The following MKNK1 variants were observed in gnomAD, a reference collection of about 807,000 sequenced individuals.
The protein encoded by MKNK1 is MAP kinase-interacting serine/threonine-protein kinase 1.
MKNK1 carries 30 observed loss-of-function variants against 49.3 expected under a neutral mutation model. The observed-to-expected ratio is 0.61, with a 90% CI of 0.46 to 0.83. The LOEUF (loss-of-function observed/expected upper bound fraction) is 0.83, where lower values mean the gene tolerates loss of function less well. Ranked by LOEUF, MKNK1 falls within the 40% of genes least tolerant of loss-of-function variation. The pLI, the probability that MKNK1 is intolerant of heterozygous loss-of-function variation, is 0.00. For missense variants in MKNK1, 423 were observed against 524.7 expected (o/e 0.81, Z 1.89); for synonymous variants, 176 against 201.7 (o/e 0.87, Z 1.08).
intron 1 of MKNK1, among the ~76,000 whole-genome samples, chr1:46,594,570 G>A (rs1311213432): frequency 1.3e-5 from 2 of 152,210 alleles, no homozygotes; most frequent in Non-Finnish European, 2.9e-5. Context: ...AGCACTGGAA[G>A]ATTTAACAAA....
intron 4 of MKNK1, 95 bp from the exon 5 acceptor site, chr1:46,576,749 TC>T (rs920130911): frequency 9.6e-7 from 1 of 1,042,088 alleles, no homozygotes; most frequent in Non-Finnish European, 1.5e-6. Flanking sequence ...CCACACTCAG[TC>T]CAAATCCAGT....
chr1:46,588,625 G>C (rs1404645001), intron 2 of MKNK1, among the ~76,000 whole-genome samples: 1 of 152,110 alleles, frequency 6.6e-6, no homozygotes, highest in Non-Finnish European at 1.5e-5. Flanking sequence ...GGCTAACACG[G>C]TGAAACCCCA....
chr1:46,596,693 T>C (rs1433173493), intron 1 of MKNK1, among the ~76,000 whole-genome samples: 1 of 152,200 alleles, frequency 6.6e-6, no homozygotes, highest in African/African-American at 2.4e-5. Context: ...AGAGTTGTCA[T>C]GGCAATTAAG....
chr1:46,575,281 C>CTA lies in MKNK1; in HGVS notation c.279-262_279-261insTA, dbSNP rs1670786085. 3.7e-5 allele frequency: 14 copies of CTA among 382,542 alleles called. No individual in the cohort carries two copies. The South Asian group carries it at 6.1e-4, about 17-fold the overall frequency. 23.7% of individuals were successfully genotyped at this position (382,542 alleles called of 1,614,324 possible). A position where few individuals can be genotyped will look rare whatever the true frequency, so the allele number is the denominator to read the frequency against. On this transcript the variant is annotated intron_variant, in intron 5 of 12. Coordinates refer to ENST00000371945, the MANE Select transcript of MKNK1 (RefSeq NM_001135553.4). ...GTGCTGTCAAACCCCAGCCCTAAAA[C>CTA]CCACTAGGTAGAGTTATAAAAAAGT...
chr1:46,587,385 C>T (rs772542083), intron 2 of MKNK1, among the ~76,000 whole-genome samples: 2 of 152,174 alleles, frequency 1.3e-5, no homozygotes, highest in Non-Finnish European at 2.9e-5. Flanking sequence ...TGGCATCAGG[C>T]GAGCAAGGCA....
In MKNK1 at chr1:46,562,731, A is replaced by G. The variant is rs751846466; in HGVS notation, c.722T>C (p.Met241Thr). ...CACGAAGGGTGGGTAGCCACTCAGCATGATGTAGAGGACCACGCCCAGGCT... is the reference window on the plus strand; with the variant it reads ...CACGAAGGGTGGGTAGCCACTCAGCGTGATGTAGAGGACCACGCCCAGGCT... ...LWSLGVVLYI[M>T]LSGYPPFVGH... is the part of the protein sequence containing the mutation. Residue 241 changes from methionine to threonine, a missense_variant, in exon 10 of 13, where the codon ATG becomes ACG. Coordinates refer to ENST00000371945, the MANE Select transcript of MKNK1 (RefSeq NM_001135553.4). 6.9e-6 allele frequency: 11 copies of G among 1,600,154 alleles called. No homozygotes were observed. Among genetic ancestry groups the G allele is most frequent in the African/African-American group, 1.3e-5 (1 of 74,790 alleles).
At chr1:46,572,872 G>A (rs560903980) in intron 6 of MKNK1, among the ~76,000 whole-genome samples, 1 of 152,192 alleles carries the variant, frequency 6.6e-6, no homozygotes, top group South Asian at 2.1e-4. Flanking sequence ...CCAAACAAGA[G>A]CACAAACTTT....
chr1:46,574,433 C>A (rs564921062), intron 6 of MKNK1: 1 of 152,580 alleles, frequency 6.6e-6, no homozygotes, highest in African/African-American at 2.4e-5. Flanking sequence ...GGTTTCTCTA[C>A]CCCACCTCAT....
At chr1:46,597,068 C>T (rs985937337) in intron 1 of MKNK1, among the ~76,000 whole-genome samples, 1 of 152,074 alleles carries the variant, frequency 6.6e-6, no homozygotes, top group East Asian at 1.9e-4. Flanking sequence ...CAGATGGACC[C>T]TGGAGCCCTC....
chr1:46,603,000 G>A (rs1674948874), intron 1 of MKNK1, among the ~76,000 whole-genome samples: 1 of 152,134 alleles, frequency 6.6e-6, no homozygotes, highest in African/African-American at 2.4e-5. Flanking sequence ...CCCCACAACT[G>A]TCAACATCTG....
At chr1:46,571,954 T>C in intron 7 of MKNK1, 109 bp downstream of exon 7, 1 of 987,272 alleles carries the variant, frequency 1.0e-6, no homozygotes, top group East Asian at 2.6e-5. Context: ...TCAAGCTGCC[T>C]TCCAGCCACA....
At chr1:46,588,183 T>A (rs1188422968) in intron 2 of MKNK1, among the ~76,000 whole-genome samples, 1 of 152,252 alleles carries the variant, frequency 6.6e-6, no homozygotes, top group Non-Finnish European at 1.5e-5. Flanking sequence ...AGACCATTTC[T>A]AATCCATAAG....
chr1:46,572,604 G>C (rs1228801709), intron 6 of MKNK1, among the ~76,000 whole-genome samples: 1 of 152,068 alleles, frequency 6.6e-6, no homozygotes. Flanking sequence ...ATCACTACCT[G>C]TCCAGCTCCA....
At chr1:46,560,423 C>T (rs1667744465) in intron 11 of MKNK1, 146 bp from the exon 12 acceptor site, 1 of 823,806 alleles carries the variant, frequency 1.2e-6, no homozygotes, top group Non-Finnish European at 2.0e-6. Context: ...GTCAGGCCTT[C>T]CAAGCAGAGA....
chr1:46,587,710 G>A (rs552339452), intron 2 of MKNK1, among the ~76,000 whole-genome samples: 115 of 152,182 alleles, frequency 7.6e-4, no homozygotes, highest in Non-Finnish European at 1.3e-3. Flanking sequence ...CCAGCTACTC[G>A]GGAGGCTGAG....
chr1:46,559,961 A>G, intron 12 of MKNK1: 1 of 556,578 alleles, frequency 1.8e-6, no homozygotes, highest in Admixed American at 3.1e-5. Context: ...GCTGTAAGTT[A>G]CAGTTCAATG....
Position 46,576,639 on chromosome 1 carries a change from C to T in MKNK1, c.214G>A (p.Ala72Thr), listed in dbSNP as rs1460606145. Residue 72 changes from alanine to threonine, a missense_variant, in exon 5 of 13, where the codon GCA becomes ACA. By Grantham distance (58) the Ala-to-Thr change is moderately conservative (BLOSUM62 0). Coordinates refer to ENST00000371945, the MANE Select transcript of MKNK1 (RefSeq NM_001135553.4). ...AACACCCTACTCCGACTGTGCCCTG[C>T]TTGTTTCTCGATGATCTGTGGGAAG... is the stretch of plus-strand genomic sequence containing the variant. ...EYAVKIIEKQ[A>T]GHSRSRVFRE... 1 of 1,614,040 alleles carries T rather than the reference C, an allele frequency of 6.2e-7. No individual in the cohort carries two copies.
chr1:46,593,855 GA>G (rs61626573), intron 2 of MKNK1: 36,079 of 127,786 alleles, frequency 0.28, 3,645 homozygotes, highest in Admixed American at 0.38. Context: ...GACTCTATCT[GA>G]AAAAAAAAAA....
At position 46,576,648 on chromosome 1, in the gene MKNK1, C is replaced by T. The variant is rs367661034; in HGVS notation, c.205G>A (p.Glu69Lys). Residue 69 changes from glutamate to lysine, a missense_variant, in exon 5 of 13, where the codon GAG becomes AAG. Coordinates refer to ENST00000371945, the MANE Select transcript of MKNK1 (RefSeq NM_001135553.4). ...NGKEYAVKII[E>K]KQAGHSRSRV... ...CTCCGACTGTGCCCTGCTTGTTTCT[C>T]GATGATCTGTGGGAAGAATAAAATC... 6 of 1,614,074 alleles carry T rather than the reference C, an allele frequency of 3.7e-6. No individual in the cohort carries two copies. Among genetic ancestry groups the T allele is most frequent in the South Asian group, 1.1e-5 (1 of 91,078 alleles).
Sources: allele counts gnomAD v4.1 joint callset (sites outside exome capture counted in the v4.1 genomes callset), GRCh38; gene constraint gnomAD v4.1.1; transcripts MANE v1.5; gene names NCBI Gene and HGNC (gene_info 2026-07-23, HGNC 2026-07-21).